The following RBFOX1 variants were observed in gnomAD, a reference collection of about 807,000 sequenced individuals.
RBFOX1 encodes RNA binding protein fox-1 homolog 1.
RBFOX1 carries 8 observed loss-of-function variants against 57.7 expected under a neutral mutation model. That is an observed-to-expected ratio of 0.14 (90% CI 0.08 to 0.25). The LOEUF (loss-of-function observed/expected upper bound fraction) is 0.25. RBFOX1 is among the 10% of genes least tolerant of loss of function. RBFOX1 has a pLI of 1.00. For missense variants in RBFOX1, 611 were observed against 548.5 expected (o/e 1.11, Z -1.14); for synonymous variants, 326 against 222.4 (o/e 1.47, Z -4.15).
intron 4 of RBFOX1, among the ~76,000 whole-genome samples, chr16:7,401,908 C>T (rs2098250469): frequency 6.6e-6 from 1 of 152,140 alleles, no homozygotes; most frequent in Non-Finnish European, 1.5e-5. Flanking sequence ...TACCCAGGCT[C>T]ATGTCATCTC....
At chr16:5,474,678 A>G (rs2069260218) in intron 2 of RBFOX1, among the ~76,000 whole-genome samples, 1 of 151,494 alleles carries the variant, frequency 6.6e-6, no homozygotes, top group South Asian at 2.1e-4. Context: ...ATACTCCCGG[A>G]CATTTGTAAA....
chr16:5,701,545 C>T (rs1046579919), intron 3 of RBFOX1, among the ~76,000 whole-genome samples: 2 of 152,140 alleles, frequency 1.3e-5, no homozygotes, highest in Non-Finnish European at 2.9e-5. Flanking sequence ...TGGGCTCAAG[C>T]CATTCTCTCC....
At chr16:7,511,269 C>A (rs954305191) in intron 4 of RBFOX1, among the ~76,000 whole-genome samples, 1 of 152,174 alleles carries the variant, frequency 6.6e-6, no homozygotes, top group African/African-American at 2.4e-5. Context: ...CCCTGACTGG[C>A]TACCACTCTT....
At chr16:6,273,282 G>A (rs1455848382) in intron 1 of RBFOX1, among the ~76,000 whole-genome samples, 1 of 140,720 alleles carries the variant, frequency 7.1e-6, no homozygotes, top group Non-Finnish European at 1.5e-5. Flanking sequence ...ACAAACCAAA[G>A]CAAAGAAAAC....
At chr16:7,397,683 C>T (rs2098165080) in intron 4 of RBFOX1, among the ~76,000 whole-genome samples, 1 of 152,162 alleles carries the variant, frequency 6.6e-6, no homozygotes, top group South Asian at 2.1e-4. Context: ...GTGATATTTA[C>T]ATAGGAAGAC....
chr16:6,468,283 T>C (rs1306839590), intron 2 of RBFOX1, among the ~76,000 whole-genome samples: 1 of 152,154 alleles, frequency 6.6e-6, no homozygotes, highest in Non-Finnish European at 1.5e-5. Context: ...TAAAGGCTTA[T>C]AGCAAGTTAC....
chr16:5,266,517 G>A (rs184258118), intron 1 of RBFOX1, among the ~76,000 whole-genome samples: 2 of 150,816 alleles, frequency 1.3e-5, no homozygotes, highest in African/African-American at 4.9e-5. Flanking sequence ...TCTGTTTCTT[G>A]AACTGGGTGT....
At chr16:5,896,197 C>A (rs780175050) in intron 4 of RBFOX1, among the ~76,000 whole-genome samples, 11 of 152,144 alleles carry the variant, frequency 7.2e-5, no homozygotes, top group Non-Finnish European at 1.6e-4. Flanking sequence ...CTGGTCTCAT[C>A]TAGAGGCAGA....
Position 6,866,514 on chromosome 16 carries a change from A to T in RBFOX1, c.-15-185543A>T, listed in dbSNP as rs1364301678. On this transcript the variant is annotated intron_variant, in intron 3 of 15. Transcript: ENST00000550418. ...ACAAAGGACTTTTTTTAAAAAAAAA[A>T]ATAAGGTTAGGGCTTTCTTTCCTTC... Among the ~76,000 whole-genome samples, 5 of 148,848 alleles carry T rather than the reference A, an allele frequency of 3.4e-5. No individual in the cohort carries two copies. The South Asian group carries it at 6.4e-4, about 19-fold the overall frequency.
intron 12 of RBFOX1, among the ~76,000 whole-genome samples, chr16:7,664,523 T>C (rs2068662653): frequency 6.6e-6 from 1 of 152,198 alleles, no homozygotes; most frequent in African/African-American, 2.4e-5. Flanking sequence ...GATTTTTAAA[T>C]AGATGTTTTG....
In RBFOX1 at chr16:6,417,040, C is replaced by G. The variant is rs548897594; in HGVS notation, c.-64+99983C>G. On this transcript the variant is annotated intron_variant, in intron 2 of 15. Transcript: ENST00000550418. ...TCTTTTTATTTTTTTGAGACAGAGTCTCTCTCTGTCACCCAGGCTAAAGTA... is the reference window on the plus strand; with the variant it reads ...TCTTTTTATTTTTTTGAGACAGAGTGTCTCTCTGTCACCCAGGCTAAAGTA... 8.5e-5 allele frequency among the ~76,000 whole-genome samples: 13 copies of G among 152,180 alleles called. 1 individual carries two copies. In the South Asian group the frequency reaches 2.1e-3, roughly 24 times the overall value.
At chr16:6,609,832 A>T (rs574383310) in intron 2 of RBFOX1, among the ~76,000 whole-genome samples, 1 of 151,820 alleles carries the variant, frequency 6.6e-6, no homozygotes, top group Non-Finnish European at 1.5e-5. Flanking sequence ...ACATGGTGAA[A>T]CCCCATCTTT....
At chr16:5,253,516 A>C (rs1881327) in intron 1 of RBFOX1, among the ~76,000 whole-genome samples, 126,451 of 152,150 alleles carry the variant, frequency 0.83, 52,962 homozygotes, top group East Asian at 1. Context: ...TCCTGGGTAT[A>C]CTGAGCCTGA....
chr16:6,779,420 G>T (rs142823221), intron 3 of RBFOX1, among the ~76,000 whole-genome samples: 1,769 of 151,828 alleles, frequency 0.012, 42 homozygotes, highest in African/African-American at 0.04. Context: ...TCATACATTG[G>T]TGGACACTCA....
At chr16:7,031,456 C>T (rs1049508550) in intron 3 of RBFOX1, among the ~76,000 whole-genome samples, 7 of 151,918 alleles carry the variant, frequency 4.6e-5, no homozygotes, top group Non-Finnish European at 1.0e-4. Flanking sequence ...ATTAGCTAGG[C>T]ATGGTGGCAC....
chr16:6,711,401 TG>T (rs1603450407), intron 3 of RBFOX1, among the ~76,000 whole-genome samples: 2 of 152,202 alleles, frequency 1.3e-5, no homozygotes, highest in African/African-American at 4.8e-5. Context: ...TCTCCTGATA[TG>T]GTTTGACTCT....
chr16:6,828,136 A>G (rs768915916), intron 3 of RBFOX1, among the ~76,000 whole-genome samples: 25 of 152,180 alleles, frequency 1.6e-4, no homozygotes, highest in Non-Finnish European at 2.8e-4. Flanking sequence ...TCAGGAAGCA[A>G]TTTGGCTTAA....
chr16:5,736,875 T>G (rs999765975), intron 3 of RBFOX1, among the ~76,000 whole-genome samples: 3 of 146,046 alleles, frequency 2.1e-5, no homozygotes, highest in African/African-American at 7.6e-5. Context: ...CCCTCCCTTC[T>G]TCCTTGTTTC....
At chr16:7,352,275 C>T (rs1228719810) in intron 4 of RBFOX1, among the ~76,000 whole-genome samples, 1 of 152,194 alleles carries the variant, frequency 6.6e-6, no homozygotes, top group Non-Finnish European at 1.5e-5. Context: ...TAAATCTTTG[C>T]ACGTGTCTTT....
Sources: gnomAD v4.1 joint callset for allele counts (sites outside exome capture counted in the v4.1 genomes callset) on GRCh38, gnomAD v4.1.1 for gene constraint, MANE v1.5 for transcripts, NCBI Gene and HGNC (gene_info 2026-07-23, HGNC 2026-07-21) for gene names.